The following TBC1D28 variants were observed in gnomAD, a reference collection of about 807,000 sequenced individuals.
TBC1D28 encodes TBC1 domain family, member 28.
Under a neutral mutation model 29.2 loss-of-function variants are expected in TBC1D28, and 20 were observed. That is an observed-to-expected ratio of 0.68 (90% CI 0.48 to 0.99). The LOEUF (loss-of-function observed/expected upper bound fraction) is 0.99. Ranked by LOEUF, TBC1D28 falls within the 50% of genes least tolerant of loss-of-function variation. The pLI, the probability that TBC1D28 is intolerant of heterozygous loss-of-function variation, is 0.00. For synonymous variants in TBC1D28, 65 were observed against 90.9 expected, an observed-to-expected ratio of 0.71 and a Z score of 1.62; for missense variants, 205 against 243.7, an observed-to-expected ratio of 0.84 and a Z score of 1.06.
intron 2 of TBC1D28, 84 bp from the exon 4 acceptor site, chr17:18,641,437 A>T (rs2031760683): frequency 9.6e-7 from 1 of 1,039,156 alleles, no homozygotes; most frequent in African/African-American, 1.6e-5. Flanking sequence ...ACTCCCAGAC[A>T]CACTCCAGTC....
In TBC1D28 at chr17:18,638,603, G is replaced by A. The variant is rs372213852; in HGVS notation, c.279+18C>T. 2,192 of 1,613,450 alleles carry A rather than the reference G, an allele frequency of 1.4e-3. 24 individuals are homozygous for A. The African/African-American group carries it at 0.023, about 17-fold the overall frequency. ...TCTGCAGAGAGCAGTCACGGGGGCC[G>A]CTTCCTCCCCATGTTACCTTCTTGG... On this transcript the variant is annotated intron_variant, in intron 6 of 8. Coordinates refer to ENST00000345096, the Ensembl canonical transcript of TBC1D28.
intron 8 of TBC1D28, 105 bp from the exon 10 acceptor site, chr17:18,636,702 C>A: frequency 7.1e-7 from 1 of 1,400,536 alleles, no homozygotes; most frequent in Non-Finnish European, 9.8e-7. Context: ...TTCAGATGAT[C>A]CCCCCAAATA....
Position 18,641,265 on chromosome 17 carries a change from G to A in TBC1D28, c.75+13C>T. 6.2e-7 allele frequency: 1 copy of A among 1,609,728 alleles called. No homozygotes were observed. ...AGGCCCTGCTTCCCTTGAGGGAGCG[G>A]CCCAACTTGTACCTGCTCATACTTA... is the stretch of plus-strand genomic sequence containing the variant. On this transcript the variant is annotated intron_variant, in intron 3 of 8. Coordinates refer to ENST00000345096, the Ensembl canonical transcript of TBC1D28.
exon 1 of TBC1D28, chr17:18,641,883 A>C (rs1449083519): frequency 5.7e-6 from 1 of 175,724 alleles, no homozygotes; most frequent in African/African-American, 2.4e-5. Context: ...TGGTTTGGGG[A>C]AAAGATGATC....
At chr17:18,638,118 G>C (rs1597481118) in intron 7 of TBC1D28, 145 bp from the exon 9 acceptor site, 12 of 1,443,360 alleles carry the variant, frequency 8.3e-6, no homozygotes, top group Non-Finnish European at 1.1e-5. Context: ...TTTTTGCCTT[G>C]TTTCTGACGC....
exon 2 of TBC1D28, chr17:18,641,665 G>A (rs2031774104): frequency 9.2e-6 from 4 of 436,258 alleles, no homozygotes; most frequent in Non-Finnish European, 1.2e-5. Flanking sequence ...TCCACTTGCT[G>A]AGGGTGAAGT....
chr17:18,637,835 G>A, intron 8 of TBC1D28, 29 bp downstream of exon 9: 2 of 1,611,926 alleles, frequency 1.2e-6, no homozygotes, highest in South Asian at 1.1e-5. Context: ...CATCTTCTCT[G>A]GGACCCCTGC....
In TBC1D28 at chr17:18,637,858, CCTTA is replaced by C; in HGVS notation, c.497+2_497+5del. On this transcript the variant is annotated splice_donor_variant and splice_donor_5th_base_variant and intron_variant, in intron 8 of 8. Coordinates refer to ENST00000345096, the Ensembl canonical transcript of TBC1D28. LOFTEE classifies it high-confidence loss of function. ...CTGGGACCCCTGCAAGCCCCATTGG[CCTTA>C]CTTGACTCCGAATCTTTGTATGAAC... 6.2e-7 allele frequency: 1 copy of C among 1,613,672 alleles called. No individual in the cohort carries two copies. Among genetic ancestry groups the C allele is most frequent in the Middle Eastern group, 1.7e-4 (1 of 6,054 alleles).
intron 3 of TBC1D28, 25 bp downstream of exon 4, chr17:18,641,253 C>T (rs2031748983): frequency 1.9e-6 from 3 of 1,602,486 alleles, no homozygotes; most frequent in South Asian, 1.1e-5. Context: ...CCCTGCTTCC[C>T]TTGAGGGAGC....
exon 9 of TBC1D28, chr17:18,636,581 C>A (rs1276975715): frequency 2.5e-6 from 4 of 1,612,862 alleles, no homozygotes; most frequent in Non-Finnish European, 3.4e-6. Flanking sequence ...ACGAGGATGT[C>A]ACATAATTCC....
intron 4 of TBC1D28, among the ~76,000 whole-genome samples, chr17:18,640,402 G>A (rs986469119): frequency 6.8e-6 from 1 of 146,212 alleles, no homozygotes; most frequent in Non-Finnish European, 1.5e-5. Context: ...AGTCATGAGG[G>A]GCCGGCTTCA....
chr17:18,642,105 T>G (rs1452851364), exon 1 of TBC1D28: 2 of 153,990 alleles, frequency 1.3e-5, no homozygotes, highest in Non-Finnish European at 2.9e-5. Context: ...AGGCAAGGCC[T>G]CTAGAGGACC....
At chr17:18,636,455 T>C (rs1449931440) in exon 9 of TBC1D28, 3 of 1,612,094 alleles carry the variant, frequency 1.9e-6, no homozygotes, top group Admixed American at 3.4e-5. Context: ...GGACAAACGC[T>C]GAATTTTCAA....
chr17:18,643,985 C>T (rs1226107049), upstream of TBC1D28, among the ~76,000 whole-genome samples: 1 of 152,196 alleles, frequency 6.6e-6, no homozygotes, highest in African/African-American at 2.4e-5. Flanking sequence ...AAACCCTGGG[C>T]AGATTTGGAA....
chr17:18,638,350 A>G, exon 7 of TBC1D28: 3 of 1,614,242 alleles, frequency 1.9e-6, no homozygotes, highest in South Asian at 1.1e-5. Context: ...GATTTTGTCA[A>G]TATCTAGCAA....
intron 7 of TBC1D28, 149 bp downstream of exon 8, chr17:18,638,164 G>A: frequency 7.8e-7 from 1 of 1,277,494 alleles, no homozygotes; most frequent in South Asian, 1.4e-5. Context: ...CACCTGTGGT[G>A]CCTGAGTTAC....
rs775700158 is a variant in TBC1D28, at chr17:18,636,593, G to C, written c.502C>G (p.Gln168Glu). The stretch of plus-strand genomic sequence containing the variant: ...GCCACGAGGATGTCACATAATTCCT[G>C]CTGCCTAGAAAAGAGGGGAAAGAGG... The change falls in exon 9 of 9, where the codon CAG becomes GAG. Residue 168 changes from glutamine (Q) to glutamate (E), a missense_variant. Gln to Glu is a conservative substitution (Grantham distance 29, BLOSUM62 2). Transcript: ENST00000345096. 152 of 1,612,004 alleles carry C rather than the reference G, an allele frequency of 9.4e-5. No homozygotes were observed. Among genetic ancestry groups the C allele is most frequent in the Admixed American group, 1.2e-4 (7 of 59,562 alleles).
chr17:18,642,442 A>C (rs1345197260), upstream of TBC1D28: 1 of 151,946 alleles, frequency 6.6e-6, no homozygotes, highest in Non-Finnish European at 1.5e-5. Flanking sequence ...TCCAGAACTC[A>C]AGGAAGATTT....
intron 4 of TBC1D28, among the ~76,000 whole-genome samples, chr17:18,640,297 G>A (rs1356561788): frequency 6.9e-6 from 1 of 145,174 alleles, no homozygotes; most frequent in Non-Finnish European, 1.5e-5. Flanking sequence ...AGCTCCACCC[G>A]GGTCTGGCTT....
Sources: allele counts gnomAD v4.1 joint callset (sites outside exome capture counted in the v4.1 genomes callset), GRCh38; gene constraint gnomAD v4.1.1; transcripts MANE v1.5; gene names NCBI Gene and HGNC (gene_info 2026-07-23, HGNC 2026-07-21).